KCNH1: variants seen among roughly 807,000 people sequenced by gnomAD.
KCNH1 encodes voltage-gated delayed rectifier potassium channel KCNH1.
Under a neutral mutation model 69.2 loss-of-function variants are expected in KCNH1, and 27 were observed. The ratio of observed to expected loss-of-function variants is 0.39; its 90% confidence interval spans 0.29 to 0.54. The LOEUF (loss-of-function observed/expected upper bound fraction) is 0.54. Among genes scored for constraint, KCNH1 ranks in the 20% least tolerant of loss-of-function variants. KCNH1 has a pLI of 0.68. For synonymous variants in KCNH1, 456 were observed against 487.7 expected (o/e 0.93, Z 0.86); for missense variants, 798 against 1,261.6 (o/e 0.63, Z 5.57).
At chr1:210,756,027 C>T (rs548998000) in intron 10 of KCNH1, among the ~76,000 whole-genome samples, 2 of 152,318 alleles carry the variant, frequency 1.3e-5, no homozygotes, top group East Asian at 3.9e-4. Context: ...CTGCATGGCA[C>T]GCTGCTAGCT....
chr1:210,886,270 C>G (rs896423617), intron 7 of KCNH1, among the ~76,000 whole-genome samples: 2 of 152,104 alleles, frequency 1.3e-5, no homozygotes, highest in South Asian at 4.1e-4. Flanking sequence ...GAGTGGACCT[C>G]CAGCAAACTC....
intron 10 of KCNH1, among the ~76,000 whole-genome samples, chr1:210,688,780 T>C (rs529750867): frequency 6.6e-5 from 10 of 152,334 alleles, no homozygotes; most frequent in Non-Finnish European, 2.9e-5. Flanking sequence ...CCTTCTTTTT[T>C]CACATCACAG....
chr1:211,029,237 G>T (rs1030069775), intron 5 of KCNH1, among the ~76,000 whole-genome samples: 13 of 145,496 alleles, frequency 8.9e-5, no homozygotes, highest in South Asian at 4.4e-4. Context: ...GGAGGCTGAG[G>T]CAGGAGGATC....
At chr1:210,687,740 A>G (rs1325846978) in intron 10 of KCNH1, among the ~76,000 whole-genome samples, 3 of 152,232 alleles carry the variant, frequency 2.0e-5, no homozygotes, top group Non-Finnish European at 2.9e-5. Flanking sequence ...AGAGGCAGCC[A>G]TGACCACGCA....
chr1:211,086,889 C>G lies in KCNH1; in HGVS notation c.439+3673G>C, dbSNP rs145366928. Among the ~76,000 whole-genome samples the G allele has an allele frequency of 5.1e-4, 77 of 152,292 alleles. 1 individual carries two copies. The highest frequency in any genetic ancestry group is 5.0e-3 in the Admixed American group (76 of 15,296). On this transcript the variant is annotated intron_variant, in intron 4 of 10. Coordinates refer to ENST00000271751, the MANE Select transcript of KCNH1 (RefSeq NM_172362.3). ...AACATCCAGCAAAGAACAGTGGACA[C>G]AAGGTACAGCATGGAGAGTCAGTGC...
intron 6 of KCNH1, among the ~76,000 whole-genome samples, chr1:210,987,722 C>T (rs1688867887): frequency 6.6e-6 from 1 of 152,324 alleles, no homozygotes; most frequent in South Asian, 2.1e-4. Flanking sequence ...TTAGGCTACT[C>T]GGGGGTCAGT....
At chr1:211,074,677 G>A (rs940471865) in intron 5 of KCNH1, among the ~76,000 whole-genome samples, 8 of 152,282 alleles carry the variant, frequency 5.3e-5, no homozygotes, top group Admixed American at 3.3e-4. Context: ...TGCTGTAAAA[G>A]TATTATGTAG....
chr1:210,806,991 A>G (rs1291339962), intron 7 of KCNH1, among the ~76,000 whole-genome samples: 1 of 122,912 alleles, frequency 8.1e-6, no homozygotes, highest in Non-Finnish European at 1.7e-5. Context: ...TGGGTAGCAG[A>G]GCAAGACTCC....
chr1:211,022,424 T>C (rs750681129), intron 5 of KCNH1, among the ~76,000 whole-genome samples: 5 of 152,178 alleles, frequency 3.3e-5, no homozygotes, highest in Non-Finnish European at 5.9e-5. Flanking sequence ...GGCAAAGATT[T>C]TTAAGGTAAA....
intron 6 of KCNH1, among the ~76,000 whole-genome samples, chr1:210,979,457 C>A (rs74526024): frequency 0.038 from 5,766 of 152,218 alleles, 221 homozygotes; most frequent in South Asian, 0.12. Context: ...TTCAAATTCT[C>A]ATTATTGTTT....
At chr1:210,805,731 C>G (rs1317858903) in intron 7 of KCNH1, among the ~76,000 whole-genome samples, 1 of 152,150 alleles carries the variant, frequency 6.6e-6, no homozygotes, top group Non-Finnish European at 1.5e-5. Context: ...AACCCCATAC[C>G]CATTAACAAT....
chr1:210,953,222 T>A (rs1042240769), intron 6 of KCNH1, among the ~76,000 whole-genome samples: 1 of 152,184 alleles, frequency 6.6e-6, no homozygotes, highest in Non-Finnish European at 1.5e-5. Context: ...CTTAAGGAAC[T>A]CTATCACGTG....
intron 10 of KCNH1, among the ~76,000 whole-genome samples, chr1:210,760,033 C>T (rs151139586): frequency 1.5e-4 from 23 of 152,174 alleles, no homozygotes; most frequent in Admixed American, 5.9e-4. Context: ...GAGCTGTGCA[C>T]GCGAGGAATC....
At chr1:211,051,862 T>C (rs1488919755) in intron 5 of KCNH1, among the ~76,000 whole-genome samples, 1 of 152,192 alleles carries the variant, frequency 6.6e-6, no homozygotes, top group Non-Finnish European at 1.5e-5. Context: ...TAAGTAACTT[T>C]TACAAAGTCA....
chr1:211,048,633 G>A (rs147025383), intron 5 of KCNH1, among the ~76,000 whole-genome samples: 338 of 152,252 alleles, frequency 2.2e-3, no homozygotes, highest in African/African-American at 7.6e-3. Flanking sequence ...TTATAAGTGC[G>A]AGCTAAGCTA....
At chr1:210,728,724 A>C (rs1682670950) in intron 10 of KCNH1, among the ~76,000 whole-genome samples, 1 of 152,240 alleles carries the variant, frequency 6.6e-6, no homozygotes, top group East Asian at 1.9e-4. Flanking sequence ...TTTTAGGTGC[A>C]TTTACAAAGG....
chr1:210,947,544 C>A (rs1440686724), intron 6 of KCNH1, among the ~76,000 whole-genome samples: 2 of 149,868 alleles, frequency 1.3e-5, no homozygotes, highest in Admixed American at 1.3e-4. Flanking sequence ...CACTGCACTC[C>A]AACCTGGGCA....
chr1:211,011,146 C>T (rs59156488), intron 6 of KCNH1, among the ~76,000 whole-genome samples: 2 of 152,056 alleles, frequency 1.3e-5, no homozygotes, highest in South Asian at 4.2e-4. Flanking sequence ...CAACCCCCAA[C>T]AGGCCCTGGT....
intron 5 of KCNH1, among the ~76,000 whole-genome samples, chr1:211,046,670 C>G (rs1690099792): frequency 6.6e-6 from 1 of 152,316 alleles, no homozygotes; most frequent in South Asian, 2.1e-4. Context: ...AGGGTCCATG[C>G]TTTAAACCCC....
Sources: allele counts gnomAD v4.1 joint callset (sites outside exome capture counted in the v4.1 genomes callset), GRCh38; gene constraint gnomAD v4.1.1; transcripts MANE v1.5; gene names NCBI Gene and HGNC (gene_info 2026-07-23, HGNC 2026-07-21).